The following EPB41L4B variants were observed in gnomAD, a reference collection of about 807,000 sequenced individuals.
EPB41L4B encodes erythrocyte membrane protein band 4.1 like 4B.
A neutral mutation model predicts 112.5 loss-of-function variants in EPB41L4B; 30 were observed. That is an observed-to-expected ratio of 0.27 (90% CI 0.20 to 0.36). The LOEUF is 0.36. Among genes scored for constraint, EPB41L4B ranks in the 10% least tolerant of loss-of-function variants. The probability of loss-of-function intolerance (pLI) is 1.00; values close to 1 mark genes in which losing one functional copy is unlikely to be tolerated. For missense variants in EPB41L4B, 1,024 were observed against 1,133.3 expected, an observed-to-expected ratio of 0.90 and a Z score of 1.38; for synonymous variants, 408 against 439.7, an observed-to-expected ratio of 0.93 and a Z score of 0.90.
rs755872147 is a variant in EPB41L4B at position 109,251,490 on chromosome 9, G to A, written c.1301C>T (p.Ala434Val). ...TFKASNPVIA[A>V]QLCSKTNPEV... is the part of the protein sequence containing the mutation. ...GCTCAAGGACACTCACCAGAGCTGG[G>A]CTGCTATCACTGGGTTGCTTGCTAT... The change falls in exon 13 of 26, where the codon GCC becomes GTC. Residue 434 changes from alanine to valine, a missense_variant. Transcript: ENST00000374566. 8.7e-6 allele frequency: 14 copies of A among 1,614,082 alleles called. No individual in the cohort carries two copies. The East Asian group carries it at 3.1e-4, about 36-fold the overall frequency.
chr9:109,186,838 A>G (rs1832288741), intron 22 of EPB41L4B, among the ~76,000 whole-genome samples: 1 of 152,150 alleles, frequency 6.6e-6, no homozygotes, highest in Non-Finnish European at 1.5e-5. Context: ...TGTGTTCAGA[A>G]AACAAACTGA....
chr9:109,190,708 G>A (rs937533822), intron 22 of EPB41L4B, among the ~76,000 whole-genome samples: 4 of 152,244 alleles, frequency 2.6e-5, no homozygotes, highest in African/African-American at 4.8e-5. Context: ...CTAGGTTCTA[G>A]AACTGGCTTT....
At position 109,174,459 on chromosome 9, in the gene EPB41L4B, C is replaced by T. The variant is rs745750295; in HGVS notation, c.*95G>A. The T allele has an allele frequency of 4.1e-6, 5 of 1,215,810 alleles. No individual in the cohort carries two copies. Among genetic ancestry groups the T allele is most frequent in the Non-Finnish European group, 6.1e-6 (5 of 820,006 alleles). The allele number at this position is 1,215,810 out of a possible 1,614,324, so 75.3% of individuals were successfully genotyped here. A position where few individuals can be genotyped will look rare whatever the true frequency, so the allele number is the denominator to read the frequency against. On this transcript the variant is annotated 3_prime_UTR_variant, in exon 26 of 26. Transcript: ENST00000374566. ...TGGAGACCTGGGCGAACAGAGCACA[C>T]ACTTGTATGCTGTGCTAGAGTGAGC... is the stretch of plus-strand genomic sequence containing the variant.
chr9:109,250,928 G>A (rs950684697), intron 13 of EPB41L4B, among the ~76,000 whole-genome samples: 1 of 152,218 alleles, frequency 6.6e-6, no homozygotes, highest in African/African-American at 2.4e-5. Context: ...GTGAGTAGCT[G>A]TGAAAGACAC....
chr9:109,254,654 T>C (rs2119021598), intron 11 of EPB41L4B, among the ~76,000 whole-genome samples: 1 of 152,298 alleles, frequency 6.6e-6, no homozygotes, highest in Non-Finnish European at 1.5e-5. Context: ...TACACACACA[T>C]GCATACCCAC....
chr9:109,251,814 T>A (rs919625484), intron 12 of EPB41L4B, among the ~76,000 whole-genome samples: 1 of 152,018 alleles, frequency 6.6e-6, no homozygotes, highest in Non-Finnish European at 1.5e-5. Flanking sequence ...GAAAGGCAGA[T>A]ACAGAGAAGT....
At chr9:109,318,062 G>A (rs1160493368) in intron 1 of EPB41L4B, among the ~76,000 whole-genome samples, 1 of 152,138 alleles carries the variant, frequency 6.6e-6, no homozygotes, top group Admixed American at 6.5e-5. Context: ...GTGCCCACTG[G>A]CGATTTTTCT....
At chr9:109,276,045 A>G (rs1391182078) in intron 2 of EPB41L4B, among the ~76,000 whole-genome samples, 1 of 148,102 alleles carries the variant, frequency 6.8e-6, no homozygotes, top group Non-Finnish European at 1.5e-5. Context: ...ATATATATAT[A>G]TAAAATATAT....
intron 18 of EPB41L4B, among the ~76,000 whole-genome samples, chr9:109,204,938 C>T (rs1290200732): frequency 6.6e-6 from 1 of 152,192 alleles, no homozygotes; most frequent in African/African-American, 2.4e-5. Context: ...TGTGCATCAA[C>T]CTCCTCTCCC....
At chr9:109,307,015 G>GTTTTTT (rs534923556) in intron 1 of EPB41L4B, among the ~76,000 whole-genome samples, 12 of 124,504 alleles carry the variant, frequency 9.6e-5, no homozygotes, top group Non-Finnish European at 1.5e-4. Flanking sequence ...TGCTGCAGTT[G>GTTTTTT]TTTTTTTTTT....
intron 15 of EPB41L4B, chr9:109,240,731 T>C (rs1482435627): frequency 2.0e-5 from 20 of 985,352 alleles, no homozygotes; most frequent in Non-Finnish European, 2.3e-5. Flanking sequence ...TGCTTTCATT[T>C]GAGCCATAAA....
chr9:109,257,503 A>G (rs186900945), intron 7 of EPB41L4B, among the ~76,000 whole-genome samples: 286 of 152,286 alleles, frequency 1.9e-3, no homozygotes, highest in Non-Finnish European at 2.9e-3. Context: ...ACAACAGGGT[A>G]TATTTCTAAA....
chr9:109,295,994 C>G (rs538471528), intron 1 of EPB41L4B, among the ~76,000 whole-genome samples: 1 of 152,264 alleles, frequency 6.6e-6, no homozygotes, highest in South Asian at 2.1e-4. Flanking sequence ...GAATTTGAAA[C>G]AAGCTGCTGG....
chr9:109,262,993 T>C, intron 6 of EPB41L4B, 57 bp downstream of exon 6: 1 of 1,224,972 alleles, frequency 8.2e-7, no homozygotes, highest in East Asian at 2.5e-5. Flanking sequence ...GACACTCATT[T>C]GTTGAAATAA....
At chr9:109,259,437 A>G (rs1231110235) in intron 6 of EPB41L4B, among the ~76,000 whole-genome samples, 1 of 152,172 alleles carries the variant, frequency 6.6e-6, no homozygotes, top group African/African-American at 2.4e-5. Context: ...CGACCCTGGA[A>G]AACACTTTAA....
intron 15 of EPB41L4B, among the ~76,000 whole-genome samples, chr9:109,234,362 C>T (rs959282817): frequency 2.0e-5 from 3 of 152,156 alleles, no homozygotes; most frequent in Non-Finnish European, 4.4e-5. Flanking sequence ...ACCACTGTAA[C>T]TTGAGGGAGT....
At chr9:109,310,658 G>C (rs1397358525) in intron 1 of EPB41L4B, among the ~76,000 whole-genome samples, 1 of 152,228 alleles carries the variant, frequency 6.6e-6, no homozygotes, top group East Asian at 1.9e-4. Context: ...ATGCAGAAGA[G>C]TCCCAGGGAA....
intron 2 of EPB41L4B, among the ~76,000 whole-genome samples, chr9:109,278,663 T>C (rs576480052): frequency 6.6e-6 from 1 of 152,238 alleles, no homozygotes; most frequent in South Asian, 2.1e-4. Context: ...AAAATAGTGC[T>C]TCCCCTCCCC....
intron 18 of EPB41L4B, 102 bp downstream of exon 18, chr9:109,207,822 C>T: frequency 6.9e-7 from 1 of 1,455,082 alleles, no homozygotes; most frequent in Non-Finnish European, 9.4e-7. Flanking sequence ...TGACTGGACC[C>T]TGACTGACAC....
Sources: gnomAD v4.1 joint callset for allele counts (sites outside exome capture counted in the v4.1 genomes callset) on GRCh38, gnomAD v4.1.1 for gene constraint, MANE v1.5 for transcripts, NCBI Gene and HGNC (gene_info 2026-07-23, HGNC 2026-07-21) for gene names.